PCDHA9: variants seen among roughly 807,000 people sequenced by gnomAD.
PCDHA9 encodes protocadherin alpha 9, also known as protocadherin alpha-9.
PCDHA9 carries 62 observed loss-of-function variants against 62.0 expected under a neutral mutation model. The ratio of observed to expected loss-of-function variants is 1.00; its 90% CI spans 0.81 to 1.23. PCDHA9 has a LOEUF of 1.23. PCDHA9 is among the 50% of genes most tolerant of loss of function. The probability of loss-of-function intolerance (pLI) is 0.00; values close to 1 mark genes in which losing one functional copy is unlikely to be tolerated. For synonymous variants in PCDHA9, 557 were observed against 567.6 expected, an observed-to-expected ratio of 0.98 and a Z score of 0.27; for missense variants, 1,205 against 1,249.8, an observed-to-expected ratio of 0.96 and a Z score of 0.54.
chr5:140,858,142 G>A lies in PCDHA9; in HGVS notation c.2394+7253G>A, dbSNP rs782422253. 2.5e-6 allele frequency: 4 copies of A among 1,597,702 alleles called. No individual in the cohort carries two copies. The South Asian group carries it at 3.3e-5, about 13-fold the overall frequency. On this transcript the variant is annotated intron_variant, in intron 1 of 3. Transcript: ENST00000532602. The stretch of plus-strand genomic sequence containing the variant: ...CCCTGGTGGATGTCAACGTGTACCT[G>A]ATCATCGCCATCTGCGCGGTGTCCA...
chr5:140,925,447 T>G (rs2153577798), intron 1 of PCDHA9, among the ~76,000 whole-genome samples: 1 of 152,154 alleles, frequency 6.6e-6, no homozygotes, highest in Non-Finnish European at 1.5e-5. Context: ...AGAATTTGGG[T>G]GTATCTGTTG....
chr5:140,940,502 G>A (rs182744023), intron 1 of PCDHA9, among the ~76,000 whole-genome samples: 2 of 151,906 alleles, frequency 1.3e-5, no homozygotes, highest in Admixed American at 6.5e-5. Context: ...TTGCTCCGTC[G>A]CTCAGGCGTG....
chr5:140,858,733 C>A (rs984187341), intron 1 of PCDHA9: 4 of 475,092 alleles, frequency 8.4e-6, no homozygotes, highest in African/African-American at 8.1e-5. Context: ...TGACGATTTA[C>A]TTTCATAATC....
intron 3 of PCDHA9, among the ~76,000 whole-genome samples, chr5:140,985,428 T>C (rs782337868): frequency 2.0e-5 from 3 of 152,192 alleles, no homozygotes; most frequent in Non-Finnish European, 4.4e-5. Context: ...GGAGGATTTA[T>C]TAGTTGCTGC....
intron 1 of PCDHA9, among the ~76,000 whole-genome samples, chr5:140,888,210 T>C (rs1395913579): frequency 6.6e-6 from 1 of 152,082 alleles, no homozygotes; most frequent in East Asian, 1.9e-4. Flanking sequence ...ATGCTGGATT[T>C]TGTGTGTGTG....
At chr5:140,989,637 T>C (rs1274152423) in intron 3 of PCDHA9, among the ~76,000 whole-genome samples, 2 of 152,070 alleles carry the variant, frequency 1.3e-5, no homozygotes, top group African/African-American at 4.8e-5. Flanking sequence ...ACAGCAAGGG[T>C]CTTTCATGGC....
At chr5:140,867,550 C>G (rs2153229616) in intron 1 of PCDHA9, 1 of 152,198 alleles carries the variant, frequency 6.6e-6, no homozygotes, top group South Asian at 2.1e-4. Flanking sequence ...TTAGCATACA[C>G]ATATGATAAC....
chr5:140,979,566 G>A (rs2096856791), intron 2 of PCDHA9, among the ~76,000 whole-genome samples: 1 of 152,194 alleles, frequency 6.6e-6, no homozygotes, highest in Non-Finnish European at 1.5e-5. Flanking sequence ...GATGAGCCAT[G>A]TAAAGGGCTC....
chr5:140,982,538 G>C lies in PCDHA9; in HGVS notation c.2517G>C (p.Trp839Cys), dbSNP rs782094765. The change falls in exon 3 of 4, where the codon TGG becomes TGC. Residue 839 changes from tryptophan to cysteine, a missense_variant. Around this residue, in one of 3 missense-constraint regions of PCDHA9, gnomAD observed 887 missense variants for 809.5 expected, o/e 1.10. Coordinates refer to ENST00000532602, the MANE Select transcript of PCDHA9 (RefSeq NM_031857.2). ...GTCCAGGAGGGCCTGATCAGCAGTG[G>C]CCAACAGTATCCAGTGCAACACCAG... ...RAGPGGPDQQ[W>C]PTVSSATPEP... 1 of 1,614,166 alleles carries C rather than the reference G, an allele frequency of 6.2e-7. No individual in the cohort carries two copies.
chr5:140,858,158 G>A lies in PCDHA9; in HGVS notation c.2394+7269G>A, dbSNP rs781899082. On this transcript the variant is annotated intron_variant, in intron 1 of 3. Transcript: ENST00000532602. ...CGTGTACCTGATCATCGCCATCTGC[G>A]CGGTGTCCAGCTTGCTGGTGCTCAC... The A allele has an allele frequency of 6.3e-6, 10 of 1,597,616 alleles. 1 individual carries two copies. Among genetic ancestry groups the A allele is most frequent in the Admixed American group, 5.1e-5 (3 of 59,322 alleles).
In PCDHA9 at chr5:140,869,539, A is replaced by G. The variant is rs782023058; in HGVS notation, c.2394+18650A>G. The G allele has an allele frequency of 2.5e-6, 4 of 1,614,088 alleles. No homozygotes were observed. The South Asian group carries it at 3.3e-5, about 13-fold the overall frequency. On this transcript the variant is annotated intron_variant, in intron 1 of 3. Coordinates refer to ENST00000532602, the MANE Select transcript of PCDHA9 (RefSeq NM_031857.2). ...ACAAAAGCTGCTGATTGCGGAATCT[A>G]AGCAATCGGACTCGCGTTTTCCACT...
At chr5:140,863,313 G>C (rs782656693) in intron 1 of PCDHA9, 5 of 1,460,034 alleles carry the variant, frequency 3.4e-6, no homozygotes, top group Non-Finnish European at 4.6e-6. Flanking sequence ...TCTGCGTGGT[G>C]TCCAGCCTGT....
At chr5:140,858,633 TTTGA>T (rs1554151907) in intron 1 of PCDHA9, 1 of 1,010,458 alleles carries the variant, frequency 9.9e-7, no homozygotes, top group Non-Finnish European at 1.4e-6. Context: ...TGTGTCAGCC[TTTGA>T]TTGGTACTTA....
chr5:140,944,464 G>T (rs2093661298), intron 1 of PCDHA9, among the ~76,000 whole-genome samples: 1 of 152,158 alleles, frequency 6.6e-6, no homozygotes, highest in African/African-American at 2.4e-5. Context: ...TGGGATTACA[G>T]GTATGAGGCA....
chr5:140,851,036 T>C lies in PCDHA9; in HGVS notation c.2394+147T>C. 2 of 1,401,900 alleles carry C rather than the reference T, an allele frequency of 1.4e-6. 1 individual carries two copies. The highest frequency in any genetic ancestry group is 3.7e-5 in the South Asian group (2 of 53,334). 86.8% of individuals were successfully genotyped at this position (1,401,900 alleles called of 1,614,324 possible). The stretch of plus-strand genomic sequence containing the variant: ...TTCTGATAAAGTAAACCCCTTAACA[T>C]TGGAGCCGACTTTGTCTTGACTTCT... On this transcript the variant is annotated intron_variant, in intron 1 of 3. Transcript: ENST00000532602.
At chr5:140,928,122 A>C in intron 1 of PCDHA9, 1 of 1,614,196 alleles carries the variant, frequency 6.2e-7, no homozygotes, top group Non-Finnish European at 8.5e-7. Context: ...AGATCAGTGA[A>C]TACCAAGTCC....
At chr5:140,881,931 G>T in intron 1 of PCDHA9, 1 of 276,824 alleles carries the variant, frequency 3.6e-6, no homozygotes, top group South Asian at 8.8e-5. Flanking sequence ...GCAGTGATTT[G>T]CTGTTTCTGG....
intron 1 of PCDHA9, among the ~76,000 whole-genome samples, chr5:140,950,285 C>T (rs1314594266): frequency 1.3e-5 from 2 of 151,926 alleles, no homozygotes; most frequent in African/African-American, 4.8e-5. Context: ...TTTGCTTCAA[C>T]CTGAAAAACT....
Position 140,857,340 on chromosome 5 carries a change from C to T in PCDHA9, c.2394+6451C>T, listed in dbSNP as rs782392001. ...GTGGTGACCGCGCGGGACGGGGGCTCGCCTCCGCTGTGGGCCACGGCCAGC... is the reference window on the plus strand; with the variant it reads ...GTGGTGACCGCGCGGGACGGGGGCTTGCCTCCGCTGTGGGCCACGGCCAGC... On this transcript the variant is annotated intron_variant, in intron 1 of 3. Coordinates refer to ENST00000532602, the MANE Select transcript of PCDHA9 (RefSeq NM_031857.2). 2.5e-6 allele frequency: 4 copies of T among 1,598,236 alleles called. 1 individual carries two copies. Among genetic ancestry groups the T allele is most frequent in the Non-Finnish European group, 2.6e-6 (3 of 1,167,864 alleles).
Sources: gnomAD v4.1 joint callset for allele counts (sites outside exome capture counted in the v4.1 genomes callset) on GRCh38, gnomAD v4.1.1 for gene constraint, gnomAD v4.1.1 regional missense constraint, MANE v1.5 for transcripts, NCBI Gene and HGNC (gene_info 2026-07-23, HGNC 2026-07-21) for gene names.